The following CCDC190 variants were observed in gnomAD, a reference collection of about 807,000 sequenced individuals.
CCDC190 encodes the protein coiled-coil domain-containing protein 190.
CCDC190 carries 10 observed loss-of-function variants against 13.1 expected under a neutral mutation model. The ratio of observed to expected loss-of-function variants is 0.77; its 90% CI spans 0.47 to 1.30. CCDC190 has a LOEUF of 1.30. Among genes scored for constraint, CCDC190 ranks in the 50% most tolerant of loss-of-function variants. The pLI is 0.00. For missense variants in CCDC190, 375 were observed against 354.3 expected, an observed-to-expected ratio of 1.06 and a Z score of -0.47; for synonymous variants, 136 against 127.2, an observed-to-expected ratio of 1.07 and a Z score of -0.47.
chr1:162,855,259 G>T lies in CCDC190; in HGVS notation c.412C>A (p.Gln138Lys), dbSNP rs1415889630. Residue 138 changes from glutamine (Q) to lysine (K), a missense_variant, in exon 4 of 4, where the codon CAG becomes AAG. By Grantham distance (53) the Gln-to-Lys change is moderately conservative. Transcript: ENST00000367912. Reference protein sequence around the residue: ...GLKDPMKSKKQPLSQNNRTAC... With the variant: ...GLKDPMKSKKKPLSQNNRTAC... The stretch of plus-strand genomic sequence containing the variant: ...GTTCTGTTATTTTGAGAGAGTGGCT[G>T]CTTTTTGCTCTTCATGGGGTCTTTG... 4 of 1,613,964 alleles carry T rather than the reference G, an allele frequency of 2.5e-6. No individual in the cohort carries two copies. In the South Asian group the frequency reaches 4.4e-5, roughly 18 times the overall value.
At position 162,855,805 on chromosome 1, in the gene CCDC190, T is replaced by A. The variant is rs748855512; in HGVS notation, c.188-50A>T. The A allele has an allele frequency of 2.0e-5, 30 of 1,527,222 alleles. 1 individual carries two copies. The South Asian group carries it at 3.4e-4, about 17-fold the overall frequency. The allele number at this position is 1,527,222 out of a possible 1,614,324, so 94.6% of individuals were successfully genotyped here. ...TTATGAGTTGGATTGTGTCCTTAAA[T>A]TTTTTATGCTCAAGTCCTAACCCCC... is the stretch of plus-strand genomic sequence containing the variant. On this transcript the variant is annotated intron_variant, in intron 2 of 3. Coordinates refer to ENST00000367912, the MANE Select transcript of CCDC190 (RefSeq NM_001394065.1).
chr1:162,860,856 C>T (rs773341110), intron 1 of CCDC190, among the ~76,000 whole-genome samples, 152 bp downstream of exon 1: 2 of 151,772 alleles, frequency 1.3e-5, no homozygotes, highest in Non-Finnish European at 2.9e-5. Flanking sequence ...CACACTCGGC[C>T]GAGGTTTGGT....
chr1:162,859,776 G>A, intron 1 of CCDC190, 118 bp from the exon 2 acceptor site: 1 of 752,368 alleles, frequency 1.3e-6, no homozygotes, highest in South Asian at 2.0e-5. Context: ...CAGGTGCCTA[G>A]TCAGATGAAA....
intron 2 of CCDC190, among the ~76,000 whole-genome samples, chr1:162,857,700 G>T (rs901398578): frequency 1.1e-4 from 16 of 152,072 alleles, no homozygotes; most frequent in Admixed American, 5.2e-4. Flanking sequence ...AAATTCCTTT[G>T]ATAGACACAG....
At position 162,854,699 on chromosome 1, in the gene CCDC190, A is replaced by G; in HGVS notation, c.*66T>C. 1 of 1,519,158 alleles carries G rather than the reference A, an allele frequency of 6.6e-7. No individual in the cohort carries two copies. Among genetic ancestry groups the G allele is most frequent in the African/African-American group, 1.4e-5 (1 of 72,008 alleles). 94.1% of individuals were successfully genotyped at this position (1,519,158 alleles called of 1,614,324 possible). On this transcript the variant is annotated 3_prime_UTR_variant, in exon 4 of 4. Transcript: ENST00000367912. Reference sequence around the variant, plus strand: ...TGTTTTTCTCTGTATTGCTTAATATAGTCATTTGAGGAACACATTTCCTTA... The same window carrying G: ...TGTTTTTCTCTGTATTGCTTAATATGGTCATTTGAGGAACACATTTCCTTA...
chr1:162,854,406 T>A lies in CCDC190; in HGVS notation c.*359A>T, dbSNP rs1650211789. On this transcript the variant is annotated 3_prime_UTR_variant, in exon 4 of 4. Transcript: ENST00000367912. Reference sequence around the variant, plus strand: ...CAAACTAAAACAGAGAGAATAGCTATGCCGTTTTGCCAGCAGGTGGCACCA... The same window carrying A: ...CAAACTAAAACAGAGAGAATAGCTAAGCCGTTTTGCCAGCAGGTGGCACCA... 9.6e-7 allele frequency: 1 copy of A among 1,046,254 alleles called. No individual in the cohort carries two copies. Among genetic ancestry groups the A allele is most frequent in the African/African-American group, 1.7e-5 (1 of 59,160 alleles). 64.8% of individuals were successfully genotyped at this position (1,046,254 alleles called of 1,614,324 possible). A position where few individuals can be genotyped will look rare whatever the true frequency, so the allele number is the denominator to read the frequency against.
At chr1:162,857,991 C>T (rs1049953926) in intron 2 of CCDC190, among the ~76,000 whole-genome samples, 1 of 152,198 alleles carries the variant, frequency 6.6e-6, no homozygotes, top group Non-Finnish European at 1.5e-5. Flanking sequence ...GGACTGGCAA[C>T]ATGCATCTTA....
Position 162,852,872 on chromosome 1 carries a change from A to G in CCDC190, c.*1893T>C, listed in dbSNP as rs903213703. 2.0e-6 allele frequency: 1 copy of G among 512,196 alleles called. No individual in the cohort carries two copies. Among genetic ancestry groups the G allele is most frequent in the Non-Finnish European group, 3.5e-6 (1 of 284,634 alleles). The allele number at this position is 512,196 out of a possible 1,614,324, so 31.7% of individuals were successfully genotyped here. A position where few individuals can be genotyped will look rare whatever the true frequency, so the allele number is the denominator to read the frequency against. On this transcript the variant is annotated 3_prime_UTR_variant, in exon 4 of 4. Transcript: ENST00000367912. ...CACTCAGGACTCAGCCTTGAGGGAG[A>G]ATTGTGATGACGATAGGCAAGGCTT... is the stretch of plus-strand genomic sequence containing the variant.
rs762431429 is a variant in CCDC190, at chr1:162,859,474, T to A, written c.173A>T (p.Gln58Leu). The A allele has an allele frequency of 1.2e-6, 2 of 1,613,324 alleles. No individual in the cohort carries two copies. Among genetic ancestry groups the A allele is most frequent in the African/African-American group, 2.7e-5 (2 of 74,928 alleles). ...GAAAGTCTTACCTTGCTGCAACCTCTGCAGTTCTTTTTGGAGCTGCCTCTG... is the reference window on the plus strand; with the variant it reads ...GAAAGTCTTACCTTGCTGCAACCTCAGCAGTTCTTTTTGGAGCTGCCTCTG... ...WEQRQLQKEL[Q>L]RLQQETMKKK... The change falls in exon 2 of 4, where the codon CAG becomes CTG. Residue 58 changes from glutamine to leucine, a missense_variant. By Grantham distance (113) the Gln-to-Leu change is moderately radical. Coordinates refer to ENST00000367912, the MANE Select transcript of CCDC190 (RefSeq NM_001394065.1).
chr1:162,859,308 C>T (rs914591150), intron 2 of CCDC190, among the ~76,000 whole-genome samples, 152 bp downstream of exon 2: 1 of 152,170 alleles, frequency 6.6e-6, no homozygotes, highest in Non-Finnish European at 1.5e-5. Flanking sequence ...AGGGGAGGGA[C>T]AAGGAAGGTT....
At chr1:162,861,808 C>T (rs1218880710), upstream of CCDC190, among the ~76,000 whole-genome samples, 2 of 152,114 alleles carry the variant, frequency 1.3e-5, no homozygotes, top group Non-Finnish European at 2.9e-5. Context: ...CTTGGAGCTT[C>T]GTCTGAAAAT....
chr1:162,859,555 C>T lies in CCDC190; in HGVS notation c.92G>A (p.Arg31Lys). Residue 31 changes from arginine (R) to lysine (K), a missense_variant, in exon 2 of 4, where the codon AGA becomes AAA. Arg to Lys is a conservative substitution (Grantham distance 26). Coordinates refer to ENST00000367912, the MANE Select transcript of CCDC190 (RefSeq NM_001394065.1). ...AKQAEARLDQ[R>K]LQRLKVICLY... ...GCAAATAACCTTTAGTCTCTGCAGT[C>T]TTTGGTCCAGTCTGGCTTCAGCCTG... 1 of 1,613,920 alleles carries T rather than the reference C, an allele frequency of 6.2e-7. No individual in the cohort carries two copies. Among genetic ancestry groups the T allele is most frequent in the Non-Finnish European group, 8.5e-7 (1 of 1,179,868 alleles).
At position 162,854,721 on chromosome 1, in the gene CCDC190, C is replaced by T; in HGVS notation, c.*44G>A. The T allele has an allele frequency of 6.5e-7, 1 of 1,540,068 alleles. No homozygotes were observed. Among genetic ancestry groups the T allele is most frequent in the Non-Finnish European group, 8.7e-7 (1 of 1,144,058 alleles). On this transcript the variant is annotated 3_prime_UTR_variant, in exon 4 of 4. Coordinates refer to ENST00000367912, the MANE Select transcript of CCDC190 (RefSeq NM_001394065.1). ...TATAGTCATTTGAGGAACACATTTC[C>T]TTAGCAATAATGGCATATGTTATTG...
upstream of CCDC190, among the ~76,000 whole-genome samples, chr1:162,865,390 A>C (rs1366084088): frequency 6.6e-6 from 1 of 152,158 alleles, no homozygotes; most frequent in Non-Finnish European, 1.5e-5. Flanking sequence ...AACCAACTTG[A>C]CCTAATTAAC....
At chr1:162,865,012 A>G (rs1650649609), upstream of CCDC190, among the ~76,000 whole-genome samples, 1 of 152,088 alleles carries the variant, frequency 6.6e-6, no homozygotes, top group South Asian at 2.1e-4. Context: ...ATAAACCGAA[A>G]ACACTTTTGT....
chr1:162,859,728 C>G, intron 1 of CCDC190, 70 bp from the exon 2 acceptor site: 1 of 1,287,798 alleles, frequency 7.8e-7, no homozygotes, highest in Non-Finnish European at 1.1e-6. Context: ...GGCTTTTAAT[C>G]AGAGATCAGT....
chr1:162,856,450 G>A (rs1290931768), intron 2 of CCDC190, among the ~76,000 whole-genome samples: 2 of 152,176 alleles, frequency 1.3e-5, no homozygotes, highest in Non-Finnish European at 2.9e-5. Context: ...AAATGACTGG[G>A]TGTGAGTGGA....
At chr1:162,857,784 G>A (rs900753003) in intron 2 of CCDC190, among the ~76,000 whole-genome samples, 3 of 152,056 alleles carry the variant, frequency 2.0e-5, no homozygotes, top group African/African-American at 7.2e-5. Flanking sequence ...TTTATAAGCG[G>A]AACTACTGTC....
In CCDC190 at chr1:162,854,523, A is replaced by G; in HGVS notation, c.*242T>C. The G allele has an allele frequency of 8.0e-7, 1 of 1,257,296 alleles. No homozygotes were observed. The highest frequency in any genetic ancestry group is 1.0e-6 in the Non-Finnish European group (1 of 1,000,298). The allele number at this position is 1,257,296 out of a possible 1,614,324, so 77.9% of individuals were successfully genotyped here. A position where few individuals can be genotyped will look rare whatever the true frequency, so the allele number is the denominator to read the frequency against. ...TCATCAATATATATTCATATTTTTG[A>G]TGACATCATAAACATATCACTTAAA... On this transcript the variant is annotated 3_prime_UTR_variant, in exon 4 of 4. Transcript: ENST00000367912.
Sources: gnomAD v4.1 joint callset for allele counts (sites outside exome capture counted in the v4.1 genomes callset) on GRCh38, gnomAD v4.1.1 for gene constraint, MANE v1.5 for transcripts, NCBI Gene and HGNC (gene_info 2026-07-23, HGNC 2026-07-21) for gene names.